NTRK2: variants seen among roughly 807,000 people sequenced by gnomAD.
NTRK2 encodes the protein BDNF/NT-3 growth factors receptor.
In NTRK2, 13 loss-of-function variants were observed where a neutral mutation model predicts 94.5. The ratio of observed to expected loss-of-function variants is 0.14; its 90% CI spans 0.09 to 0.22. The LOEUF is 0.22. Ranked by LOEUF, NTRK2 falls within the 10% of genes least tolerant of loss-of-function variation. The pLI, the probability that NTRK2 is intolerant of heterozygous loss-of-function variation, is 1.00. For missense variants in NTRK2, 639 were observed against 1,071.2 expected (o/e 0.60, Z 5.63); for synonymous variants, 372 against 407.4 (o/e 0.91, Z 1.05).
In NTRK2 at chr9:84,701,512, A is replaced by G. The variant is rs539984335; in HGVS notation, c.213-647A>G. ...TGGAGTTTTCTCTCTATTCACCCCTATATTGGAGGGCTTAGGGGGTGGGGG... is the reference window on the plus strand; with the variant it reads ...TGGAGTTTTCTCTCTATTCACCCCTGTATTGGAGGGCTTAGGGGGTGGGGG... On this transcript the variant is annotated intron_variant, in intron 2 of 18. Transcript: ENST00000277120. Among the ~76,000 whole-genome samples, 3 of 151,882 alleles carry G rather than the reference A, an allele frequency of 2.0e-5. No homozygotes were observed. In the East Asian group the frequency reaches 5.9e-4, roughly 30 times the overall value.
At chr9:84,932,305 C>T (rs1402740490) in intron 14 of NTRK2, among the ~76,000 whole-genome samples, 1 of 152,146 alleles carries the variant, frequency 6.6e-6, no homozygotes, top group Non-Finnish European at 1.5e-5. Flanking sequence ...GAGAGAGATT[C>T]AAGATCTGCA....
intron 14 of NTRK2, among the ~76,000 whole-genome samples, chr9:84,900,776 A>T (rs1367839200): frequency 6.6e-6 from 1 of 152,178 alleles, no homozygotes; most frequent in Non-Finnish European, 1.5e-5. Context: ...TAAGATTAAA[A>T]CACAAAGGCC....
At chr9:84,842,288 T>G (rs1430662635) in intron 12 of NTRK2, among the ~76,000 whole-genome samples, 1 of 152,198 alleles carries the variant, frequency 6.6e-6, no homozygotes, top group East Asian at 1.9e-4. Context: ...GATCTAAGTC[T>G]TGCCCTCCTG....
Position 84,745,160 on chromosome 9 carries a change from C to T in NTRK2, c.1296+87C>T. On this transcript the variant is annotated intron_variant, in intron 11 of 18. Transcript: ENST00000277120. ...GGAATGTAGCTGCTTCAATAAGACA[C>T]TTTTATTGTTCAGATATAAATAGGG... is the stretch of plus-strand genomic sequence containing the variant. 5.6e-6 allele frequency: 5 copies of T among 892,158 alleles called. No homozygotes were observed. The South Asian group carries it at 6.7e-5, about 12-fold the overall frequency. 55.3% of individuals were successfully genotyped at this position (892,158 alleles called of 1,614,324 possible).
chr9:84,770,706 A>G lies in NTRK2; in HGVS notation c.1396+18621A>G, dbSNP rs558800620. 2.0e-5 allele frequency among the ~76,000 whole-genome samples: 3 copies of G among 152,228 alleles called. No individual in the cohort carries two copies. The South Asian group carries it at 6.2e-4, about 32-fold the overall frequency. Reference sequence around the variant, plus strand: ...AATTGAGGTGTAGATTATAGTTACCATTTACTGAGAGGGCCGTTGTGGGCC... The same window carrying G: ...AATTGAGGTGTAGATTATAGTTACCGTTTACTGAGAGGGCCGTTGTGGGCC... On this transcript the variant is annotated intron_variant, in intron 12 of 18. Transcript: ENST00000277120.
intron 17 of NTRK2, among the ~76,000 whole-genome samples, chr9:84,961,651 A>G (rs887702738): frequency 1.3e-5 from 2 of 152,244 alleles, no homozygotes; most frequent in African/African-American, 4.8e-5. Context: ...AACAACTACT[A>G]TGTGCTAGAT....
At chr9:84,803,416 G>T (rs1033826451) in intron 12 of NTRK2, among the ~76,000 whole-genome samples, 3 of 152,226 alleles carry the variant, frequency 2.0e-5, no homozygotes, top group African/African-American at 7.2e-5. Context: ...TCTGCCTGCA[G>T]CAGCGTCAGA....
intron 15 of NTRK2, among the ~76,000 whole-genome samples, chr9:84,936,146 A>G (rs891885143): frequency 1.3e-5 from 2 of 152,202 alleles, no homozygotes; most frequent in Non-Finnish European, 2.9e-5. Context: ...GAGAGTGTAG[A>G]AATAGCTAAG....
intron 12 of NTRK2, among the ~76,000 whole-genome samples, chr9:84,857,352 A>G (rs1259929570): frequency 1.3e-5 from 2 of 152,200 alleles, no homozygotes; most frequent in Admixed American, 6.5e-5. Context: ...TTTATTTTGC[A>G]GTGAATAAAG....
At chr9:84,798,157 C>T (rs968194375) in intron 12 of NTRK2, among the ~76,000 whole-genome samples, 8 of 151,754 alleles carry the variant, frequency 5.3e-5, no homozygotes, top group Non-Finnish European at 1.2e-4. Context: ...TCATAGATGG[C>T]ACCTTCTCAT....
intron 12 of NTRK2, among the ~76,000 whole-genome samples, chr9:84,770,407 A>G (rs998733926): frequency 1.3e-5 from 2 of 152,120 alleles, no homozygotes; most frequent in Admixed American, 6.5e-5. Context: ...GCTGAGGCTG[A>G]GATTTCACCT....
chr9:84,998,892 GAAAGGTTGTCCC>G (rs2133385811), intron 17 of NTRK2, among the ~76,000 whole-genome samples: 1 of 152,334 alleles, frequency 6.6e-6, no homozygotes, highest in East Asian at 1.9e-4. Context: ...ACCAATGTGT[GAAAGGTTGTCCC>G]AAATGGACTC....
chr9:84,697,600 C>G (rs1052108438), intron 2 of NTRK2, among the ~76,000 whole-genome samples: 1 of 152,210 alleles, frequency 6.6e-6, no homozygotes, highest in African/African-American at 2.4e-5. Context: ...CTGGCACTTC[C>G]TCTCTCCTTC....
intron 2 of NTRK2, among the ~76,000 whole-genome samples, chr9:84,685,402 C>G (rs1390234434): frequency 6.7e-6 from 1 of 149,456 alleles, no homozygotes; most frequent in Non-Finnish European, 1.5e-5. Context: ...TAGTGTCTTA[C>G]TCATCAGTCT....
intron 12 of NTRK2, among the ~76,000 whole-genome samples, chr9:84,775,830 G>T (rs1472803765): frequency 2.6e-5 from 4 of 152,024 alleles, no homozygotes; most frequent in Non-Finnish European, 5.9e-5. Flanking sequence ...ACAGATCTGG[G>T]GCCTCATCCC....
At chr9:84,851,541 TTAAA>T (rs1381709740) in intron 12 of NTRK2, among the ~76,000 whole-genome samples, 148 of 152,360 alleles carry the variant, frequency 9.7e-4, no homozygotes, top group African/African-American at 3.5e-3. Context: ...AGTAATACAA[TTAAA>T]TAAACATTTT....
At chr9:84,774,920 A>G (rs1373854617) in intron 12 of NTRK2, among the ~76,000 whole-genome samples, 2 of 152,236 alleles carry the variant, frequency 1.3e-5, no homozygotes, top group East Asian at 3.8e-4. Flanking sequence ...ACAAAAAGAA[A>G]AAAAGACAGT....
chr9:84,728,899 T>G (rs1287595207), intron 9 of NTRK2, among the ~76,000 whole-genome samples: 1 of 152,238 alleles, frequency 6.6e-6, no homozygotes, highest in Non-Finnish European at 1.5e-5. Context: ...CTCAGTCTCA[T>G]TGCCCAAATG....
intron 12 of NTRK2, among the ~76,000 whole-genome samples, chr9:84,830,276 T>C (rs1339781438): frequency 6.6e-6 from 1 of 152,226 alleles, no homozygotes; most frequent in Non-Finnish European, 1.5e-5. Flanking sequence ...CACGTTCTTG[T>C]ATACAGTTTC....
Sources: gnomAD v4.1 joint callset for allele counts (sites outside exome capture counted in the v4.1 genomes callset) on GRCh38, gnomAD v4.1.1 for gene constraint, MANE v1.5 for transcripts, NCBI Gene and HGNC (gene_info 2026-07-23, HGNC 2026-07-21) for gene names.